The following DFFB variants were observed in gnomAD, a reference collection of about 807,000 sequenced individuals.
DFFB encodes the protein DNA fragmentation factor subunit beta, also known as DNA fragmentation factor 40 kDa subunit.
A neutral mutation model predicts 32.7 loss-of-function variants in DFFB; 29 were observed. The ratio of observed to expected loss-of-function variants is 0.89; its 90% CI spans 0.66 to 1.21. The LOEUF is 1.21. Among genes scored for constraint, DFFB ranks in the 50% most tolerant of loss-of-function variants. The pLI is 0.00. For missense variants in DFFB, 398 were observed against 440.6 expected, an observed-to-expected ratio of 0.90 and a Z score of 0.87; for synonymous variants, 170 against 177.1, an observed-to-expected ratio of 0.96 and a Z score of 0.32.
intron 1 of DFFB, 76 bp from the exon 2 acceptor site, chr1:3,858,642 C>G: frequency 5.2e-6 from 8 of 1,538,628 alleles, no homozygotes; most frequent in Non-Finnish European, 7.1e-6. Flanking sequence ...TCATTCCGGT[C>G]GTTTGTGAGG....
At position 3,868,390 on chromosome 1, in the gene DFFB, G is replaced by A. The variant is rs1264139517; in HGVS notation, c.510+337G>A. On this transcript the variant is annotated intron_variant, in intron 4 of 6. Coordinates refer to ENST00000378209, the MANE Select transcript of DFFB (RefSeq NM_004402.4). Reference sequence around the variant, plus strand: ...TGGCAAGCGTCACGGCAGACACAGAGCCTGAGCTGTCATTTGCCCAACTGT... The same window carrying A: ...TGGCAAGCGTCACGGCAGACACAGAACCTGAGCTGTCATTTGCCCAACTGT... Among the ~76,000 whole-genome samples, 4 of 152,184 alleles carry A rather than the reference G, an allele frequency of 2.6e-5. No homozygotes were observed. In the East Asian group the frequency reaches 7.7e-4, roughly 29 times the overall value.
Position 3,859,222 on chromosome 1 carries a change from C to G in DFFB, c.241+378C>G, listed in dbSNP as rs190293169. 9.2e-5 allele frequency among the ~76,000 whole-genome samples: 14 copies of G among 151,998 alleles called. No individual in the cohort carries two copies. The East Asian group carries it at 2.7e-3, about 29-fold the overall frequency. On this transcript the variant is annotated intron_variant, in intron 2 of 6. Transcript: ENST00000378209. Reference sequence around the variant, plus strand: ...TGTTCTGTTCTGCTGGGCTGAGCACCCTTCTGGAAGGACGAGGTGGTGGTT... The same window carrying G: ...TGTTCTGTTCTGCTGGGCTGAGCACGCTTCTGGAAGGACGAGGTGGTGGTT...
chr1:3,877,760 C>A (rs536510158), intron 6 of DFFB, among the ~76,000 whole-genome samples: 3 of 152,138 alleles, frequency 2.0e-5, no homozygotes, highest in African/African-American at 7.2e-5. Context: ...GCCTGCCTTT[C>A]GTTGTGGTCT....
intron 6 of DFFB, among the ~76,000 whole-genome samples, chr1:3,876,999 C>T (rs1399152101): frequency 6.6e-6 from 1 of 152,202 alleles, no homozygotes; most frequent in Non-Finnish European, 1.5e-5. Context: ...AATCCTGCCT[C>T]CCGTGGGAGG....
chr1:3,862,587 C>T (rs4400555), intron 2 of DFFB, among the ~76,000 whole-genome samples: 138,273 of 152,260 alleles, frequency 0.91, 63,397 homozygotes, highest in Middle Eastern at 0.96. Flanking sequence ...GACCATTCAA[C>T]GGAGGGGGAA....
intron 6 of DFFB, 71 bp downstream of exon 6, chr1:3,872,643 T>TGCCGCGGCCCTGTCCCC: frequency 1.5e-6 from 2 of 1,377,014 alleles, no homozygotes; most frequent in Non-Finnish European, 2.1e-6. Context: ...GCCCTGTCCC[T>TGCCGCGGCCCTGTCCCC]GCCATGGCCC....
rs183597489 is a variant in DFFB at position 3,861,687 on chromosome 1, C to T, written c.241+2843C>T. On this transcript the variant is annotated intron_variant, in intron 2 of 6. Coordinates refer to ENST00000378209, the MANE Select transcript of DFFB (RefSeq NM_004402.4). The stretch of plus-strand genomic sequence containing the variant: ...AAGCAATCTACCCGCCTTGGCCTCC[C>T]AAAGTGTTGGGATTACAGGCGTGAG... Among the ~76,000 whole-genome samples, 49 of 152,338 alleles carry T rather than the reference C, an allele frequency of 3.2e-4. 1 individual carries two copies. The highest frequency in any genetic ancestry group is 3.4e-3 in the Middle Eastern group (1 of 294).
intron 2 of DFFB, among the ~76,000 whole-genome samples, chr1:3,860,205 GGCATGA>G (rs1263824092): frequency 6.6e-6 from 1 of 152,088 alleles, no homozygotes; most frequent in African/African-American, 2.4e-5. Context: ...TGGGATTACA[GGCATGA>G]GCCACTGTGC....
Position 3,872,493 on chromosome 1 carries a change from T to A in DFFB, c.703T>A (p.Cys235Ser). 14 of 1,613,834 alleles carry A rather than the reference T, an allele frequency of 8.7e-6. No individual in the cohort carries two copies. Among genetic ancestry groups the A allele is most frequent in the Non-Finnish European group, 1.2e-5 (14 of 1,179,986 alleles). ...CCAGGGTCCCTTTGACATGGACAGCTGCTTATCAAGACACTCCATCAACCC... is the reference window on the plus strand; with the variant it reads ...CCAGGGTCCCTTTGACATGGACAGCAGCTTATCAAGACACTCCATCAACCC... ...SCQGPFDMDS[C>S]LSRHSINPYS... The change falls in exon 6 of 7, where the codon TGC (cysteine) becomes AGC (serine). Residue 235 changes from cysteine to serine, a missense_variant. Cys to Ser is a moderately radical substitution (Grantham distance 112). Transcript: ENST00000378209.
chr1:3,865,879 C>T lies in DFFB; in HGVS notation c.309C>T (p.Ala103=), dbSNP rs368953379. The change falls in exon 3 of 7, where the codon GCC becomes GCT. Residue 103 remains alanine, a synonymous_variant. Coordinates refer to ENST00000378209, the MANE Select transcript of DFFB (RefSeq NM_004402.4). This position sits in a 1 kb window ranked among gnomAD's most constrained non-coding sequence, Gnocchi z 4.7. ...HEPQVGLIQA[A]QQLLCDEQAP... ...CACAGGTGGGGCTCATCCAGGCCGC[C>T]CAGCAGCTGCTGTGTGATGAGCAGG... is the stretch of plus-strand genomic sequence containing the variant. 6.2e-7 allele frequency: 1 copy of T among 1,613,900 alleles called. No homozygotes were observed. The highest frequency in any genetic ancestry group is 1.7e-5 in the Admixed American group (1 of 59,982).
Position 3,857,706 on chromosome 1 carries a change from C to G in DFFB, c.103C>G (p.Leu35Val). 6.5e-7 allele frequency: 1 copy of G among 1,544,726 alleles called. No homozygotes were observed. ...SCQEVLRKGC[L>V]RFQLPERGSR... The stretch of plus-strand genomic sequence containing the variant: ...CCAGGAGGTGCTGCGCAAGGGCTGT[C>G]TCCGCTTCCAGGTGCCCGCTGGGCT... The change falls in exon 1 of 7, where the codon CTC (leucine) becomes GTC (valine). Residue 35 changes from leucine (L) to valine (V), a missense_variant. Physicochemically the swap from Leu to Val is conservative, Grantham distance 32 (BLOSUM62 1). Transcript: ENST00000378209.
Position 3,883,774 on chromosome 1 carries a change from G to A in DFFB, c.*33G>A. On this transcript the variant is annotated 3_prime_UTR_variant, in exon 7 of 7. Coordinates refer to ENST00000378209, the MANE Select transcript of DFFB (RefSeq NM_004402.4). ...ACACCACGTCCTGGTCTTTGTTTGA[G>A]GCCTGACGTGGGCATCATTTTAACA... 1.3e-6 allele frequency: 2 copies of A among 1,581,132 alleles called. No homozygotes were observed. Among genetic ancestry groups the A allele is most frequent in the South Asian group, 1.1e-5 (1 of 89,668 alleles).
rs5772128 is a variant in DFFB at position 3,877,328 on chromosome 1, G to GTTTTT, written c.782+4771_782+4775dup. Among the ~76,000 whole-genome samples, 465 of 113,854 alleles carry GTTTTT rather than the reference G, an allele frequency of 4.1e-3. 24 individuals carry two copies. Among genetic ancestry groups the GTTTTT allele is most frequent in the Middle Eastern group, 0.01 (2 of 194 alleles). 74.7% of individuals were successfully genotyped at this position (113,854 alleles called of 152,430 possible). A position where few individuals can be genotyped will look rare whatever the true frequency, so the allele number is the denominator to read the frequency against. ...GCATGAGTTGTGTCTTGGGAGTTCA[G>GTTTTT]TTTTTTTTTTTTTTTTTTTGAGGCA... On this transcript the variant is annotated intron_variant, in intron 6 of 6. Coordinates refer to ENST00000378209, the MANE Select transcript of DFFB (RefSeq NM_004402.4).
In DFFB at chr1:3,860,659, C is replaced by T. The variant is rs115541743; in HGVS notation, c.241+1815C>T. Among the ~76,000 whole-genome samples, 935 of 152,188 alleles carry T rather than the reference C, an allele frequency of 6.1e-3. 12 individuals are homozygous for T. Among genetic ancestry groups the T allele is most frequent in the African/African-American group, 0.021 (886 of 41,500 alleles). Reference sequence around the variant, plus strand: ...GTGGTACAATATAAAACAGGAACACCGACACTAGTGCAATGTGCATGTTGT... The same window carrying T: ...GTGGTACAATATAAAACAGGAACACTGACACTAGTGCAATGTGCATGTTGT... On this transcript the variant is annotated intron_variant, in intron 2 of 6. Transcript: ENST00000378209.
At chr1:3,868,164 G>C in intron 4 of DFFB, 111 bp downstream of exon 4, 1 of 972,350 alleles carries the variant, frequency 1.0e-6, no homozygotes. Flanking sequence ...CACACTCCGT[G>C]CTTGCGTGGA....
At chr1:3,857,747 G>A (rs1168784651) in intron 1 of DFFB, 30 bp downstream of exon 1, 8 of 1,421,944 alleles carry the variant, frequency 5.6e-6, no homozygotes, top group Non-Finnish European at 7.5e-6. Context: ...GGGACGGCCC[G>A]TCGGGGAGGC....
At chr1:3,864,621 G>C (rs1163076360) in intron 2 of DFFB, among the ~76,000 whole-genome samples, 1 of 152,144 alleles carries the variant, frequency 6.6e-6, no homozygotes, top group Non-Finnish European at 1.5e-5. Flanking sequence ...GAACTCCTGG[G>C]CTCAAGCGAT....
Position 3,867,960 on chromosome 1 carries a change from C to T in DFFB, c.431-14C>T, listed in dbSNP as rs114770404. ...TGCCCTGTGGACTTGGGGGTCTTCT[C>T]GTTTTCCTTGCAGGCTTGGAGTCCC... On this transcript the variant is annotated splice_polypyrimidine_tract_variant and intron_variant, in intron 3 of 6. Transcript: ENST00000378209. 2.2e-5 allele frequency: 35 copies of T among 1,613,814 alleles called. No individual in the cohort carries two copies. Among genetic ancestry groups the T allele is most frequent in the African/African-American group, 1.5e-4 (11 of 74,906 alleles).
rs376971900 is a variant in DFFB, at chr1:3,883,536, C to T, written c.812C>T (p.Thr271Ile). 8 of 1,614,080 alleles carry T rather than the reference C, an allele frequency of 5.0e-6. No homozygotes were observed. Among genetic ancestry groups the T allele is most frequent in the African/African-American group, 2.7e-5 (2 of 74,940 alleles). Residue 271 changes from threonine (T) to isoleucine (I), a missense_variant, in exon 7 of 7, where the codon ACA becomes ATA. By Grantham distance (89) the Thr-to-Ile change is moderately conservative. Transcript: ENST00000378209. ...GAAAAGAAACGCACCATCATTCCTACACTGGTGGAAGCAATTAAGGAACAA... is the reference window on the plus strand; with the variant it reads ...GAAAAGAAACGCACCATCATTCCTATACTGGTGGAAGCAATTAAGGAACAA... The part of the protein sequence containing the change: ...IIEKKRTIIP[T>I]LVEAIKEQDG...
Sources: gnomAD v4.1 joint callset for allele counts (sites outside exome capture counted in the v4.1 genomes callset) on GRCh38, gnomAD v4.1.1 for gene constraint, Gnocchi (gnomAD v3.1) non-coding constraint, MANE v1.5 for transcripts, NCBI Gene and HGNC (gene_info 2026-07-23, HGNC 2026-07-21) for gene names.